The following FAM20A variants were observed in gnomAD, a reference collection of about 807,000 sequenced individuals.
FAM20A encodes the protein pseudokinase FAM20A.
FAM20A carries 42 observed loss-of-function variants against 52.0 expected under a neutral mutation model. The ratio of observed to expected loss-of-function variants is 0.81; its 90% CI spans 0.63 to 1.04. The LOEUF (loss-of-function observed/expected upper bound fraction) is 1.04, where lower values mean the gene tolerates loss of function less well. Among genes scored for constraint, FAM20A ranks in the 50% least tolerant of loss-of-function variants. The pLI is 0.00. For synonymous variants in FAM20A, 304 were observed against 298.9 expected (o/e 1.02, Z -0.18); for missense variants, 742 against 712.7 (o/e 1.04, Z -0.47).
chr17:68,545,276 A>G (rs1296747776), intron 4 of FAM20A, among the ~76,000 whole-genome samples: 1 of 152,206 alleles, frequency 6.6e-6, no homozygotes, highest in Non-Finnish European at 1.5e-5. Context: ...GTATTTCGGA[A>G]AAAAGCTGGC....
At chr17:68,546,373 C>T (rs917196811) in intron 4 of FAM20A, among the ~76,000 whole-genome samples, 2 of 151,932 alleles carry the variant, frequency 1.3e-5, no homozygotes, top group Non-Finnish European at 2.9e-5. Context: ...CTTTTAAACT[C>T]CTGTTAATGT....
At chr17:68,575,427 ATT>A (rs1438950071) in intron 1 of FAM20A, among the ~76,000 whole-genome samples, 2 of 120,490 alleles carry the variant, frequency 1.7e-5, no homozygotes, top group African/African-American at 6.4e-5. Context: ...CTTTATATAT[ATT>A]ATATATTTTA....
chr17:68,543,733 G>A lies in FAM20A; in HGVS notation c.720-12C>T. 1.2e-6 allele frequency: 2 copies of A among 1,610,958 alleles called. No individual in the cohort carries two copies. The highest frequency in any genetic ancestry group is 8.5e-7 in the Non-Finnish European group (1 of 1,177,202). ...CATCTCGCTGCTGTCTGGAAGGAAG[G>A]AAGGAATCACGCCCTGGACTCAGAC... On this transcript the variant is annotated splice_polypyrimidine_tract_variant and intron_variant, in intron 4 of 10. Transcript: ENST00000592554.
intron 1 of FAM20A, among the ~76,000 whole-genome samples, chr17:68,565,262 C>T (rs2087344002): frequency 6.6e-6 from 1 of 152,052 alleles, no homozygotes; most frequent in South Asian, 2.1e-4. Flanking sequence ...ATTTGTTCCC[C>T]TCCAAAACTA....
At position 68,546,138 on chromosome 17, in the gene FAM20A, C is replaced by T. The variant is rs1046876011; in HGVS notation, c.720-2417G>A. On this transcript the variant is annotated intron_variant, in intron 4 of 10. Transcript: ENST00000592554. ...GAGCCGAGATTGTGCCACTGCACTA[C>T]AGCCTGAGCAACAGAGCGAGACTCC... Among the ~76,000 whole-genome samples, 6 of 136,426 alleles carry T rather than the reference C, an allele frequency of 4.4e-5. No individual in the cohort carries two copies. The Admixed American group carries it at 4.7e-4, about 11-fold the overall frequency. 89.5% of individuals were successfully genotyped at this position (136,426 alleles called of 152,430 possible).
Position 68,539,330 on chromosome 17 carries a change from A to AACTT in FAM20A, c.1361+3_1361+6dup, listed in dbSNP as rs758703472. 3.1e-6 allele frequency: 5 copies of AACTT among 1,614,212 alleles called. No individual in the cohort carries two copies. In the Admixed American group the frequency reaches 8.3e-5, roughly 27 times the overall value. The stretch of plus-strand genomic sequence containing the variant: ...TTGCCCGTATTATCTGCTGCAGGAA[A>AACTT]ACTTACATGCAGCACTGGGAGAGAG... On this transcript the variant is annotated splice_region_variant and intron_variant, in intron 10 of 10. Coordinates refer to ENST00000592554, the MANE Select transcript of FAM20A (RefSeq NM_017565.4).
At chr17:68,563,588 TAAAC>T (rs1364968107) in intron 1 of FAM20A, among the ~76,000 whole-genome samples, 5 of 151,958 alleles carry the variant, frequency 3.3e-5, no homozygotes, top group Non-Finnish European at 7.4e-5. Context: ...TTTTTTTTCT[TAAAC>T]AAACAAAACC....
At position 68,554,764 on chromosome 17, in the gene FAM20A, C is replaced by T; in HGVS notation, c.640+13G>A. 1 of 1,613,552 alleles carries T rather than the reference C, an allele frequency of 6.2e-7. No homozygotes were observed. Among genetic ancestry groups the T allele is most frequent in the Non-Finnish European group, 8.5e-7 (1 of 1,179,742 alleles). ...GTGAAGAGGCTGGGTGGGGGTGGGG[C>T]TAGGTCACTTACTCTGGGTGCAGTC... On this transcript the variant is annotated intron_variant, in intron 3 of 10. Coordinates refer to ENST00000592554, the MANE Select transcript of FAM20A (RefSeq NM_017565.4).
At chr17:68,572,638 C>G (rs1321750861) in intron 1 of FAM20A, among the ~76,000 whole-genome samples, 2 of 152,142 alleles carry the variant, frequency 1.3e-5, no homozygotes, top group African/African-American at 4.8e-5. Flanking sequence ...ATCAACTCTC[C>G]CCAAAATGCA....
intron 1 of FAM20A, among the ~76,000 whole-genome samples, chr17:68,579,512 A>G (rs1372264842): frequency 6.6e-6 from 1 of 152,134 alleles, no homozygotes; most frequent in Non-Finnish European, 1.5e-5. Context: ...AACCAATGCT[A>G]TGTTACTTTG....
At chr17:68,564,126 C>T (rs932585345) in intron 1 of FAM20A, among the ~76,000 whole-genome samples, 4 of 147,232 alleles carry the variant, frequency 2.7e-5, no homozygotes, top group African/African-American at 7.8e-5. Context: ...GCTATGAACA[C>T]GATGTCTCAT....
chr17:68,581,390 C>CTTTCTTTCT, intron 1 of FAM20A, among the ~76,000 whole-genome samples: 1 of 145,310 alleles, frequency 6.9e-6, no homozygotes, highest in East Asian at 2.0e-4. Context: ...TTCTTTCTTT[C>CTTTCTTTCT]TTTCTTTCTT....
At chr17:68,555,880 G>T in intron 1 of FAM20A, 137 bp from the exon 2 acceptor site, 1 of 1,069,596 alleles carries the variant, frequency 9.3e-7, no homozygotes, top group Non-Finnish European at 1.4e-6. Flanking sequence ...TAGGCTTTAA[G>T]CTGTGCTTAG....
Position 68,600,601 on chromosome 17 carries a change from G to A in FAM20A, c.66C>T (p.Asp22=). The A allele has an allele frequency of 6.4e-7, 1 of 1,563,848 alleles. No homozygotes were observed. Among genetic ancestry groups the A allele is most frequent in the Non-Finnish European group, 8.6e-7 (1 of 1,157,212 alleles). ...LLLLGALLSA[D]LYFHLWPQVQ... ...CTTGGGGCCAGAGGTGGAAGTAGAG[G>A]TCGGCGGAGAGCAGCGCGCCCAGCA... Residue 22 remains aspartate (D), a synonymous_variant, in exon 1 of 11, where the codon GAC becomes GAT. Coordinates refer to ENST00000592554, the MANE Select transcript of FAM20A (RefSeq NM_017565.4). The surrounding 1 kb of genome is among the most constrained non-coding windows in gnomAD (Gnocchi z 6.2).
chr17:68,587,459 A>G (rs992311330), intron 1 of FAM20A, among the ~76,000 whole-genome samples: 7 of 152,214 alleles, frequency 4.6e-5, no homozygotes, highest in African/African-American at 1.7e-4. Context: ...TTGCTTTGAT[A>G]TCATTAAGTT....
chr17:68,598,856 TATAG>T (rs2088531742), intron 1 of FAM20A, among the ~76,000 whole-genome samples: 1 of 152,188 alleles, frequency 6.6e-6, no homozygotes, highest in African/African-American at 2.4e-5. Context: ...ATAGTAGACA[TATAG>T]ATACTTTTTC....
rs1175247738 is a variant in FAM20A at position 68,601,366 on chromosome 17, C to G, written c.-700G>C. 15 of 152,338 alleles carry G rather than the reference C, an allele frequency of 9.8e-5. No homozygotes were observed. The highest frequency in any genetic ancestry group is 9.8e-4 in the Admixed American group (15 of 15,296). The allele number at this position is 152,338 out of a possible 1,614,324, so 9.4% of individuals were successfully genotyped here. A position where few individuals can be genotyped will look rare whatever the true frequency, so the allele number is the denominator to read the frequency against. ...TGCCTCTGGCGCAGCTGACGGCCAA[C>G]TCCCGATCCGAAGCCGGCGCTGCCC... On this transcript the variant is annotated 5_prime_UTR_variant, in exon 1 of 11. Coordinates refer to ENST00000592554, the MANE Select transcript of FAM20A (RefSeq NM_017565.4).
intron 1 of FAM20A, among the ~76,000 whole-genome samples, chr17:68,592,078 C>T (rs552934633): frequency 8.2e-4 from 125 of 152,250 alleles, no homozygotes; most frequent in Admixed American, 4.5e-3. Context: ...ATGGACCTCA[C>T]CAACTGGACT....
intron 1 of FAM20A, among the ~76,000 whole-genome samples, chr17:68,598,333 G>A (rs889831404): frequency 2.3e-4 from 35 of 152,210 alleles, no homozygotes; most frequent in African/African-American, 8.4e-4. Flanking sequence ...CCTGATATAA[G>A]TAACAACACA....
Sources: gnomAD v4.1 joint callset for allele counts (sites outside exome capture counted in the v4.1 genomes callset) on GRCh38, gnomAD v4.1.1 for gene constraint, Gnocchi (gnomAD v3.1) non-coding constraint, MANE v1.5 for transcripts, NCBI Gene and HGNC (gene_info 2026-07-23, HGNC 2026-07-21) for gene names.